Variants in ACRBP observed in about 807,000 individuals in gnomAD.
The protein encoded by ACRBP is acrosin-binding protein.
ACRBP carries 52 observed loss-of-function variants against 69.0 expected under a neutral mutation model. That is an observed-to-expected ratio of 0.75 (90% CI 0.60 to 0.95). The LOEUF (loss-of-function observed/expected upper bound fraction) is 0.95, where lower values mean the gene tolerates loss of function less well. Among genes scored for constraint, ACRBP ranks in the 40% least tolerant of loss-of-function variants. The pLI is 0.00. For missense variants in ACRBP, 604 were observed against 673.0 expected (o/e 0.90, Z 1.13); for synonymous variants, 267 against 258.9 (o/e 1.03, Z -0.30).
chr12:6,638,550 G>T, intron 9 of ACRBP, 146 bp from the exon 10 acceptor site: 1 of 1,298,828 alleles, frequency 7.7e-7, no homozygotes, highest in Non-Finnish European at 1.1e-6. Flanking sequence ...ACTCAAATGT[G>T]GGTTTTTAAA....
At chr12:6,638,839 G>A (rs2136248205) in intron 9 of ACRBP, 115 bp downstream of exon 9, 1 of 1,553,118 alleles carries the variant, frequency 6.4e-7, no homozygotes, top group Non-Finnish European at 8.7e-7. Flanking sequence ...AGAGATGCAA[G>A]CAGGAACCGC....
At chr12:6,646,641 T>C (rs901968020) in intron 2 of ACRBP, 64 bp from the exon 3 acceptor site, 20 of 1,534,120 alleles carry the variant, frequency 1.3e-5, no homozygotes, top group Non-Finnish European at 1.7e-5. Context: ...CTGTGGGCAA[T>C]GGACTCCACG....
Position 6,643,667 on chromosome 12 carries a change from G to C in ACRBP, c.949C>G (p.Leu317Val). The change falls in exon 6 of 10, where the codon CTG (leucine) becomes GTG (valine). Residue 317 changes from leucine to valine, a missense_variant. Leu to Val is a conservative substitution (Grantham distance 32). This residue lies in a region of ACRBP where 532 missense variants were observed against 562.9 expected (regional missense o/e 0.95). Transcript: ENST00000229243. ...YWRNQNPGSL[L>V]QLPHTEALLV... ...AAGGCCTCTGTGTGGGGCAGCTGCAGGAGGCTGCAAGAAGACAGCACTGAG... is the reference window on the plus strand; with the variant it reads ...AAGGCCTCTGTGTGGGGCAGCTGCACGAGGCTGCAAGAAGACAGCACTGAG... 6.2e-6 allele frequency: 10 copies of C among 1,613,978 alleles called. No individual in the cohort carries two copies. The highest frequency in any genetic ancestry group is 8.5e-6 in the Non-Finnish European group (10 of 1,179,862).
rs1949072700 is a variant in ACRBP at position 6,644,275 on chromosome 12, G to A, written c.806C>T (p.Ala269Val). 3.1e-6 allele frequency: 5 copies of A among 1,614,136 alleles called. No homozygotes were observed. Among genetic ancestry groups the A allele is most frequent in the Admixed American group, 1.7e-5 (1 of 60,006 alleles). ...AGACTCTACTTCTCGTACCCGGGGA[G>A]CAAAAGAGGAAGGGTTAGAAGATAG... ...ESLSSNPSSF[A>V]PRVREVESTP... is the part of the protein sequence containing the mutation. Residue 269 changes from alanine (A) to valine (V), a missense_variant, in exon 5 of 10, where the codon GCT (alanine) becomes GTT (valine). Ala to Val is a moderately conservative substitution (Grantham distance 64). This residue lies in a region of ACRBP where 532 missense variants were observed against 562.9 expected (regional missense o/e 0.95). Coordinates refer to ENST00000229243, the MANE Select transcript of ACRBP (RefSeq NM_032489.3).
At chr12:6,645,558 G>C (rs1160064966) in intron 3 of ACRBP, among the ~76,000 whole-genome samples, 1 of 152,096 alleles carries the variant, frequency 6.6e-6, no homozygotes, top group Non-Finnish European at 1.5e-5. Flanking sequence ...TTTTGCATTT[G>C]ACTCAAAATC....
In ACRBP at chr12:6,643,558, A is replaced by T. The variant is rs1565392273; in HGVS notation, c.1058T>A (p.Ile353Asn). 6.2e-7 allele frequency: 1 copy of T among 1,614,170 alleles called. No homozygotes were observed. The highest frequency in any genetic ancestry group is 1.3e-5 in the African/African-American group (1 of 75,034). Reference protein sequence around the residue: ...AKAWKYMEEEILGFGKSVCDS... With the variant: ...AKAWKYMEEENLGFGKSVCDS... The stretch of plus-strand genomic sequence containing the variant: ...GCATACCGACTTCCCGAAACCAAGG[A>T]TCTCCTCCTCCATGTACTTCCAGGC... Residue 353 changes from isoleucine to asparagine, a missense_variant, in exon 6 of 10, where the codon ATC (isoleucine) becomes AAC (asparagine). Ile to Asn is a moderately radical substitution (Grantham distance 149). Coordinates refer to ENST00000229243, the MANE Select transcript of ACRBP (RefSeq NM_032489.3).
At chr12:6,646,746 G>A (rs1187617306) in intron 2 of ACRBP, 48 bp downstream of exon 2, 2 of 1,605,020 alleles carry the variant, frequency 1.2e-6, no homozygotes, top group African/African-American at 1.3e-5. Flanking sequence ...CCTGAGGTTT[G>A]GGTGAACACT....
intron 6 of ACRBP, among the ~76,000 whole-genome samples, chr12:6,642,431 T>C (rs1949059654): frequency 6.6e-6 from 1 of 152,232 alleles, no homozygotes; most frequent in Non-Finnish European, 1.5e-5. Flanking sequence ...TAGGTGATCA[T>C]CTATCTGCAG....
At chr12:6,644,867 C>G (rs1262971548) in intron 4 of ACRBP, among the ~76,000 whole-genome samples, 1 of 152,178 alleles carries the variant, frequency 6.6e-6, no homozygotes, top group African/African-American at 2.4e-5. Context: ...ACCATTTGTC[C>G]CTCTCCCTTA....
Position 6,640,915 on chromosome 12 carries a change from C to G in ACRBP, c.1078-393G>C, listed in dbSNP as rs1316043027. On this transcript the variant is annotated intron_variant, in intron 6 of 9. Coordinates refer to ENST00000229243, the MANE Select transcript of ACRBP (RefSeq NM_032489.3). This position sits in a 1 kb window ranked among gnomAD's most constrained non-coding sequence, Gnocchi z 5.3. ...TCATAACCCTCCCCTGCCACCTCTGCTAATGATAATGCTAATATTTACAAA... is the reference window on the plus strand; with the variant it reads ...TCATAACCCTCCCCTGCCACCTCTGGTAATGATAATGCTAATATTTACAAA... 2.6e-5 allele frequency among the ~76,000 whole-genome samples: 4 copies of G among 152,198 alleles called. No homozygotes were observed. Among genetic ancestry groups the G allele is most frequent in the Non-Finnish European group, 5.9e-5 (4 of 68,036 alleles).
At position 6,644,616 on chromosome 12, in the gene ACRBP, G is replaced by GTAA. The variant is rs1386379285; in HGVS notation, c.476-12_476-11insTTA. On this transcript the variant is annotated splice_polypyrimidine_tract_variant and intron_variant, in intron 4 of 9. Coordinates refer to ENST00000229243, the MANE Select transcript of ACRBP (RefSeq NM_032489.3). ...TCTGGCGTTCTGTCACTACAGCAGG[G>GTAA]TTTAGAGAGAAGGGAGAGAGACAGT... is the stretch of plus-strand genomic sequence containing the variant. 6.3e-7 allele frequency: 1 copy of GTAA among 1,596,554 alleles called. No individual in the cohort carries two copies. Among genetic ancestry groups the GTAA allele is most frequent in the Non-Finnish European group, 8.5e-7 (1 of 1,171,932 alleles).
chr12:6,646,652 C>G lies in ACRBP; in HGVS notation c.263-75G>C, dbSNP rs186267210. ...GGGGCTGTGGGCAATGGACTCCACGCCATGGGGAGGGTGGAGAGTACGAGC... is the reference window on the plus strand; with the variant it reads ...GGGGCTGTGGGCAATGGACTCCACGGCATGGGGAGGGTGGAGAGTACGAGC... On this transcript the variant is annotated intron_variant, in intron 2 of 9. Coordinates refer to ENST00000229243, the MANE Select transcript of ACRBP (RefSeq NM_032489.3). 3 of 1,521,070 alleles carry G rather than the reference C, an allele frequency of 2.0e-6. No homozygotes were observed. In the East Asian group the frequency reaches 6.8e-5, roughly 34 times the overall value. The allele number at this position is 1,521,070 out of a possible 1,614,324, so 94.2% of individuals were successfully genotyped here. A position where few individuals can be genotyped will look rare whatever the true frequency, so the allele number is the denominator to read the frequency against.
At chr12:6,647,036 T>C in intron 1 of ACRBP, 24 bp from the exon 2 acceptor site, 1 of 1,599,566 alleles carries the variant, frequency 6.3e-7, no homozygotes, top group Non-Finnish European at 8.5e-7. Flanking sequence ...GAACGGATGA[T>C]GGAAGGACCG....
chr12:6,641,371 T>A (rs1009316521), intron 6 of ACRBP, among the ~76,000 whole-genome samples: 2 of 152,182 alleles, frequency 1.3e-5, no homozygotes, highest in African/African-American at 4.8e-5. Context: ...CCTTGCCTGC[T>A]CCTCCCACAT....
intron 6 of ACRBP, among the ~76,000 whole-genome samples, chr12:6,641,435 T>C (rs1344332535): frequency 6.6e-6 from 1 of 152,180 alleles, no homozygotes; most frequent in Non-Finnish European, 1.5e-5. Flanking sequence ...CCCTTTCCTA[T>C]CAAATTCAGT....
rs1565393303 is a variant in ACRBP at position 6,646,538 on chromosome 12, T to A, written c.302A>T (p.Glu101Val). The A allele has an allele frequency of 6.2e-7, 1 of 1,613,804 alleles. No individual in the cohort carries two copies. Reference sequence around the variant, plus strand: ...GTAGTGAGTGAACTGGCAGAAAGACTCAAACCAGGAGGCATAAGGGAGGTT... The same window carrying A: ...GTAGTGAGTGAACTGGCAGAAAGACACAAACCAGGAGGCATAAGGGAGGTT... ...CSNLPYASWF[E>V]SFCQFTHYRC... The change falls in exon 3 of 10, where the codon GAG (glutamate) becomes GTG (valine). Residue 101 changes from glutamate to valine, a missense_variant. By Grantham distance (121) the Glu-to-Val change is moderately radical (BLOSUM62 -2). Coordinates refer to ENST00000229243, the MANE Select transcript of ACRBP (RefSeq NM_032489.3).
intron 6 of ACRBP, 52 bp downstream of exon 6, chr12:6,643,487 G>A (rs1225379530): frequency 1.9e-6 from 3 of 1,605,700 alleles, no homozygotes; most frequent in Non-Finnish European, 2.6e-6. Flanking sequence ...ACAGTGCCTG[G>A]CCAAGAGGAT....
At chr12:6,646,359 T>C in intron 3 of ACRBP, 124 bp downstream of exon 3, 1 of 826,206 alleles carries the variant, frequency 1.2e-6, no homozygotes, top group Non-Finnish European at 2.1e-6. Flanking sequence ...GGTAAATGAC[T>C]GGCAAAATGG....
chr12:6,646,964 G>A lies in ACRBP; in HGVS notation c.92C>T (p.Ala31Val), dbSNP rs1489203632. The part of the protein sequence containing the change: ...APAAAQDSTQ[A>V]STPGSPLSPT... ...AGAGAGAGGGCTGCCTGGAGTGGAG[G>A]CCTGAGTCGAATCCTGGGCTGCGGC... is the stretch of plus-strand genomic sequence containing the variant. The change falls in exon 2 of 10, where the codon GCC becomes GTC. Residue 31 changes from alanine (A) to valine (V), a missense_variant. Around this residue, in one of 3 missense-constraint regions of ACRBP, gnomAD observed 532 missense variants for 562.9 expected, o/e 0.95. Transcript: ENST00000229243. The A allele has an allele frequency of 9.3e-6, 15 of 1,613,100 alleles. No individual in the cohort carries two copies. Among genetic ancestry groups the A allele is most frequent in the Non-Finnish European group, 1.3e-5 (15 of 1,180,016 alleles).
Sources: gnomAD v4.1 joint callset for allele counts (sites outside exome capture counted in the v4.1 genomes callset) on GRCh38, gnomAD v4.1.1 for gene constraint, gnomAD v4.1.1 regional missense constraint, Gnocchi (gnomAD v3.1) non-coding constraint, MANE v1.5 for transcripts, NCBI Gene and HGNC (gene_info 2026-07-23, HGNC 2026-07-21) for gene names.